EYS: variants seen among roughly 807,000 people sequenced by gnomAD.
EYS encodes the protein protein eyes shut homolog.
A neutral mutation model predicts 282.1 loss-of-function variants in EYS; 250 were observed. The observed-to-expected ratio is 0.89, with a 90% confidence interval of 0.80 to 0.98. The LOEUF is 0.98. Ranked by LOEUF, EYS falls within the 50% of genes least tolerant of loss-of-function variation. EYS has a pLI of 0.00. For missense variants in EYS, 4,016 were observed against 3,709.0 expected, an observed-to-expected ratio of 1.08 and a Z score of -2.15; for synonymous variants, 1,355 against 1,282.9, an observed-to-expected ratio of 1.06 and a Z score of -1.20.
At chr6:64,510,548 T>A (rs1013264541) in intron 26 of EYS, among the ~76,000 whole-genome samples, 1 of 152,096 alleles carries the variant, frequency 6.6e-6, no homozygotes, top group Non-Finnish European at 1.5e-5. Flanking sequence ...AACACAACTA[T>A]CTCTAAAAAA....
chr6:64,052,548 A>C (rs948961911), intron 33 of EYS, among the ~76,000 whole-genome samples: 1 of 152,308 alleles, frequency 6.6e-6, no homozygotes, highest in East Asian at 1.9e-4. Context: ...AGATGAAAAA[A>C]ATATTTTCTA....
chr6:65,698,273 A>G (rs1769530803), intron 1 of EYS, among the ~76,000 whole-genome samples: 1 of 152,150 alleles, frequency 6.6e-6, no homozygotes, highest in Non-Finnish European at 1.5e-5. Flanking sequence ...ATTGAGAAGC[A>G]TAATCTCTGA....
chr6:64,151,665 A>G (rs941439133), intron 31 of EYS, among the ~76,000 whole-genome samples: 5 of 151,974 alleles, frequency 3.3e-5, no homozygotes, highest in African/African-American at 1.2e-4. Flanking sequence ...CTGCCAACAC[A>G]TGTATATTTA....
At chr6:64,671,762 G>A (rs1373840988) in intron 22 of EYS, among the ~76,000 whole-genome samples, 1 of 151,892 alleles carries the variant, frequency 6.6e-6, no homozygotes, top group Non-Finnish European at 1.5e-5. Flanking sequence ...TTAGAAGAGG[G>A]AGACACTCAG....
At chr6:64,000,167 A>G (rs1562142208) in intron 33 of EYS, among the ~76,000 whole-genome samples, 1 of 43,526 alleles carries the variant, frequency 2.3e-5, no homozygotes, top group South Asian at 1.2e-3. Context: ...AAGACATGGG[A>G]CTTTTTTTTT....
At chr6:64,664,751 G>C (rs1459009875) in intron 22 of EYS, among the ~76,000 whole-genome samples, 1 of 152,158 alleles carries the variant, frequency 6.6e-6, no homozygotes, top group African/African-American at 2.4e-5. Context: ...TAAGAAGACA[G>C]CTGACTATCT....
intron 1 of EYS, among the ~76,000 whole-genome samples, chr6:65,669,767 CA>C (rs945470663): frequency 6.6e-6 from 1 of 151,892 alleles, no homozygotes; most frequent in African/African-American, 2.4e-5. Context: ...AACTGTGTGT[CA>C]AATAGAGTTA....
chr6:63,757,131 C>G (rs1460112901), intron 41 of EYS, among the ~76,000 whole-genome samples: 2 of 152,010 alleles, frequency 1.3e-5, no homozygotes, highest in Non-Finnish European at 2.9e-5. Flanking sequence ...AGCCTGTAAA[C>G]AGATGTGCAA....
chr6:64,603,209 T>C (rs941293314), intron 24 of EYS, among the ~76,000 whole-genome samples: 2 of 151,960 alleles, frequency 1.3e-5, no homozygotes, highest in Admixed American at 1.3e-4. Context: ...ACAAAATAAT[T>C]AGCCCCATTT....
chr6:64,590,511 C>A lies in EYS; in HGVS notation c.5356G>T (p.Glu1786Ter). ...PLTGSVPDFS[E>*]VTTNVAFYTV... ...TAAAATGCAACATTGGTGGTGACTT[C>A]TGAAAAATCAGGCACTGAGCCTGTC... Residue 1786 changes from glutamate (E) to a stop codon, truncating the protein, a stop_gained, in exon 26 of 43, where the codon GAA becomes TAA. Coordinates refer to ENST00000503581, the MANE Select transcript of EYS (RefSeq NM_001142800.2). LOFTEE classifies it high-confidence loss of function. 6.4e-7 allele frequency: 1 copy of A among 1,551,384 alleles called. No homozygotes were observed. Among genetic ancestry groups the A allele is most frequent in the Non-Finnish European group, 8.7e-7 (1 of 1,146,786 alleles).
At chr6:65,283,498 A>C (rs1356925593) in intron 12 of EYS, among the ~76,000 whole-genome samples, 1 of 151,190 alleles carries the variant, frequency 6.6e-6, no homozygotes, top group East Asian at 1.9e-4. Context: ...TATTTTTTCT[A>C]TTTTTTTTAC....
intron 34 of EYS, among the ~76,000 whole-genome samples, chr6:63,997,423 T>A (rs1485402377): frequency 6.6e-6 from 1 of 152,118 alleles, no homozygotes; most frequent in Non-Finnish European, 1.5e-5. Context: ...TTAACACAAG[T>A]TAGAAGGTAG....
intron 13 of EYS, among the ~76,000 whole-genome samples, chr6:65,040,144 C>T (rs1194420072): frequency 1.3e-5 from 2 of 151,660 alleles, no homozygotes; most frequent in African/African-American, 2.4e-5. Flanking sequence ...TATACAGAAT[C>T]CCTGACCTCT....
chr6:64,547,760 C>A (rs1003983086), intron 26 of EYS, among the ~76,000 whole-genome samples: 1 of 152,190 alleles, frequency 6.6e-6, no homozygotes, highest in Non-Finnish European at 1.5e-5. Context: ...TGGGACTGGG[C>A]GCTGTGGAGC....
At chr6:64,092,147 A>G (rs1185146208) in intron 31 of EYS, among the ~76,000 whole-genome samples, 1 of 152,128 alleles carries the variant, frequency 6.6e-6, no homozygotes, top group African/African-American at 2.4e-5. Context: ...AATCCAGTCT[A>G]TCATTGTTGG....
At chr6:65,590,856 CTT>C (rs1015375138) in intron 2 of EYS, among the ~76,000 whole-genome samples, 1 of 145,368 alleles carries the variant, frequency 6.9e-6, no homozygotes, top group Admixed American at 6.9e-5. Flanking sequence ...AAATATACCA[CTT>C]TTTTTTTTTA....
intron 22 of EYS, among the ~76,000 whole-genome samples, chr6:64,644,144 G>A (rs552618964): frequency 6.0e-4 from 92 of 152,250 alleles, no homozygotes; most frequent in African/African-American, 2.1e-3. Flanking sequence ...CCCACCATAT[G>A]TATACAGTCT....
Position 65,519,720 on chromosome 6 carries a change from T to A in EYS, c.-332-23727A>T, listed in dbSNP as rs1358681335. Reference sequence around the variant, plus strand: ...TATATATATATATATTTTTTTTTTTTTTTTTTTTTTTTTGAGATAAGATCT... The same window carrying A: ...TATATATATATATATTTTTTTTTTTATTTTTTTTTTTTTGAGATAAGATCT... On this transcript the variant is annotated intron_variant, in intron 2 of 42. Transcript: ENST00000503581. Among the ~76,000 whole-genome samples the A allele has an allele frequency of 6.7e-3, 438 of 65,102 alleles. 5 individuals are homozygous for A. The highest frequency in any genetic ancestry group is 0.026 in the African/African-American group (396 of 15,294). The allele number at this position is 65,102 out of a possible 152,430, so 42.7% of individuals were successfully genotyped here.
intron 1 of EYS, among the ~76,000 whole-genome samples, 198 bp from the exon 2 acceptor site, chr6:65,640,090 A>C: frequency 6.6e-6 from 1 of 152,208 alleles, no homozygotes; most frequent in East Asian, 1.9e-4. Flanking sequence ...CAAAATGGGC[A>C]GTATACCTGT....
Sources: allele counts gnomAD v4.1 joint callset (sites outside exome capture counted in the v4.1 genomes callset), GRCh38; gene constraint gnomAD v4.1.1; transcripts MANE v1.5; gene names NCBI Gene and HGNC (gene_info 2026-07-23, HGNC 2026-07-21).